The following DPYD variants were observed in gnomAD, a reference collection of about 807,000 sequenced individuals.
DPYD encodes the protein dihydropyrimidine dehydrogenase [NADP(+)].
A neutral mutation model predicts 116.2 loss-of-function variants in DPYD; 109 were observed. The observed-to-expected ratio is 0.94, with a 90% CI of 0.80 to 1.10. DPYD has a LOEUF of 1.10. Among genes scored for constraint, DPYD ranks in the 50% least tolerant of loss-of-function variants. The probability of loss-of-function intolerance (pLI) is 0.00; values close to 1 mark genes in which losing one functional copy is unlikely to be tolerated. For synonymous variants in DPYD, 440 were observed against 432.0 expected (o/e 1.02, Z -0.23); for missense variants, 1,302 against 1,254.5 (o/e 1.04, Z -0.57).
intron 2 of DPYD, among the ~76,000 whole-genome samples, chr1:97,872,904 A>G (rs1264244875): frequency 6.6e-6 from 1 of 151,882 alleles, no homozygotes; most frequent in Non-Finnish European, 1.5e-5. Context: ...AACTTCAATC[A>G]GTATGCTCCC....
chr1:97,632,030 C>T (rs1657292345), intron 8 of DPYD, among the ~76,000 whole-genome samples: 1 of 152,020 alleles, frequency 6.6e-6, no homozygotes, highest in Non-Finnish European at 1.5e-5. Context: ...AGCAGAAGCC[C>T]ATGTAACTTC....
intron 3 of DPYD, among the ~76,000 whole-genome samples, chr1:97,801,993 GAAATTA>G (rs1369245553): frequency 9.2e-5 from 14 of 151,684 alleles, no homozygotes; most frequent in Non-Finnish European, 1.3e-4. Context: ...ATATAAATAA[GAAATTA>G]AAATTAAAAT....
intron 2 of DPYD, among the ~76,000 whole-genome samples, chr1:97,835,161 T>A (rs1416899407): frequency 6.6e-6 from 1 of 151,878 alleles, no homozygotes; most frequent in Admixed American, 6.6e-5. Flanking sequence ...GTAGGAGAGG[T>A]AGGAGCTATG....
intron 2 of DPYD, among the ~76,000 whole-genome samples, chr1:97,852,203 T>C (rs1312006204): frequency 6.6e-6 from 1 of 152,068 alleles, no homozygotes; most frequent in Non-Finnish European, 1.5e-5. Flanking sequence ...AAACTAATCA[T>C]TTGAATTCTG....
At chr1:97,426,824 T>A (rs897438557) in intron 14 of DPYD, among the ~76,000 whole-genome samples, 1 of 151,984 alleles carries the variant, frequency 6.6e-6, no homozygotes, top group Admixed American at 6.6e-5. Context: ...AAAAGGGAGG[T>A]GCTCTAGAAA....
intron 5 of DPYD, among the ~76,000 whole-genome samples, chr1:97,712,635 C>G (rs186966014): frequency 9.2e-5 from 14 of 152,092 alleles, no homozygotes; most frequent in Middle Eastern, 3.4e-3. Context: ...GGGCACTCCC[C>G]CTATGGCTTT....
intron 18 of DPYD, among the ~76,000 whole-genome samples, chr1:97,255,550 C>T (rs1003840204): frequency 4.6e-5 from 7 of 152,236 alleles, no homozygotes; most frequent in East Asian, 1.9e-4. Flanking sequence ...TGACTTGCTC[C>T]TCTTTGCCTT....
intron 14 of DPYD, among the ~76,000 whole-genome samples, chr1:97,419,715 A>G (rs1032671290): frequency 2.0e-5 from 3 of 152,170 alleles, no homozygotes; most frequent in African/African-American, 7.2e-5. Context: ...TGCAACTTGG[A>G]CTACATTAAA....
intron 12 of DPYD, among the ~76,000 whole-genome samples, chr1:97,548,210 G>A (rs1277212257): frequency 1.3e-5 from 2 of 152,078 alleles, no homozygotes; most frequent in South Asian, 4.2e-4. Context: ...TTATTAACAA[G>A]AGCAAATTTT....
intron 14 of DPYD, among the ~76,000 whole-genome samples, chr1:97,430,612 T>C (rs559580651): frequency 6.6e-6 from 1 of 152,104 alleles, no homozygotes; most frequent in East Asian, 1.9e-4. Flanking sequence ...ATGTCCTCTT[T>C]CACGTGAATT....
chr1:97,467,970 C>T (rs1270738723), intron 13 of DPYD, among the ~76,000 whole-genome samples: 1 of 152,128 alleles, frequency 6.6e-6, no homozygotes, highest in East Asian at 1.9e-4. Context: ...CAAGAGAAGA[C>T]TGTCCAGAGC....
At chr1:97,905,676 C>T (rs549042976) in intron 1 of DPYD, among the ~76,000 whole-genome samples, 4 of 152,068 alleles carry the variant, frequency 2.6e-5, no homozygotes, top group South Asian at 4.1e-4. Flanking sequence ...GTGGATTAGA[C>T]GCCATTCATA....
At chr1:97,322,234 T>TA (rs199970686) in intron 16 of DPYD, among the ~76,000 whole-genome samples, 45 of 146,272 alleles carry the variant, frequency 3.1e-4, no homozygotes, top group East Asian at 6.1e-4. Context: ...TAAAGTATAA[T>TA]AAAAAAAAAT....
At chr1:97,094,774 A>G (rs551439260) in intron 21 of DPYD, among the ~76,000 whole-genome samples, 24 of 152,156 alleles carry the variant, frequency 1.6e-4, no homozygotes, top group African/African-American at 5.8e-4. Flanking sequence ...TAGATTTATC[A>G]TAAAGGAAGA....
chr1:97,255,932 G>A (rs496179), intron 18 of DPYD, among the ~76,000 whole-genome samples: 112,349 of 151,874 alleles, frequency 0.74, 42,269 homozygotes, highest in East Asian at 1. Context: ...TTTCATTTTC[G>A]GGCAGGGCTA....
chr1:97,299,194 G>A (rs1042130181), intron 18 of DPYD, among the ~76,000 whole-genome samples: 10 of 152,012 alleles, frequency 6.6e-5, no homozygotes, highest in Non-Finnish European at 1.0e-4. Context: ...TTAAATTCAA[G>A]CTCAAACAGT....
intron 18 of DPYD, among the ~76,000 whole-genome samples, chr1:97,288,599 T>C (rs372812553): frequency 3.7e-4 from 56 of 151,022 alleles, no homozygotes; most frequent in South Asian, 4.3e-4. Flanking sequence ...GGGTACATAA[T>C]GAAATGAAGG....
At chr1:97,718,423 G>T in intron 5 of DPYD, among the ~76,000 whole-genome samples, 1 of 151,784 alleles carries the variant, frequency 6.6e-6, no homozygotes, top group Admixed American at 6.6e-5. Flanking sequence ...TATATCATAA[G>T]ATGGTATATT....
At chr1:97,556,181 C>G (rs566861530) in intron 11 of DPYD, among the ~76,000 whole-genome samples, 1 of 152,104 alleles carries the variant, frequency 6.6e-6, no homozygotes, top group East Asian at 1.9e-4. Context: ...TTGTTGTGCT[C>G]CTTGATTTCT....
Sources: gnomAD v4.1 joint callset for allele counts (sites outside exome capture counted in the v4.1 genomes callset) on GRCh38, gnomAD v4.1.1 for gene constraint, MANE v1.5 for transcripts, NCBI Gene and HGNC (gene_info 2026-07-23, HGNC 2026-07-21) for gene names.